Variants in ECHDC1 observed in about 807,000 individuals in gnomAD.
ECHDC1 encodes the protein ethylmalonyl-CoA decarboxylase.
ECHDC1 carries 29 observed loss-of-function variants against 29.7 expected under a neutral mutation model. The observed-to-expected ratio is 0.98, with a 90% CI of 0.73 to 1.33. The LOEUF (loss-of-function observed/expected upper bound fraction) is 1.33, where lower values mean the gene tolerates loss of function less well. Among genes scored for constraint, ECHDC1 ranks in the 40% most tolerant of loss-of-function variants. The probability of loss-of-function intolerance (pLI) is 0.00; values close to 1 mark genes in which losing one functional copy is unlikely to be tolerated. For missense variants in ECHDC1, 328 were observed against 350.0 expected (o/e 0.94, Z 0.50); for synonymous variants, 126 against 123.1 (o/e 1.02, Z -0.15).
Position 127,314,914 on chromosome 6 carries a change from A to T in ECHDC1, c.417-18T>A, listed in dbSNP as rs1283306105. 6.3e-7 allele frequency: 1 copy of T among 1,597,130 alleles called. No individual in the cohort carries two copies. Reference sequence around the variant, plus strand: ...AAGGAAGTCTGTATATTGAAGAAAAAACTGATGTTACTATTTTTAATTTCA... The same window carrying T: ...AAGGAAGTCTGTATATTGAAGAAAATACTGATGTTACTATTTTTAATTTCA... On this transcript the variant is annotated intron_variant, in intron 4 of 5. Coordinates refer to ENST00000454859, the MANE Select transcript of ECHDC1 (RefSeq NM_001002030.2).
intron 3 of ECHDC1, among the ~76,000 whole-genome samples, chr6:127,319,308 T>C (rs1053642985): frequency 4.6e-5 from 7 of 152,198 alleles, no homozygotes; most frequent in African/African-American, 1.7e-4. Flanking sequence ...CTGCAAATTG[T>C]GCTAACAGTA....
chr6:127,289,953 C>A lies in ECHDC1; in HGVS notation c.822G>T (p.Gln274His), dbSNP rs201632238. The change falls in exon 6 of 6, where the codon CAG (glutamine) becomes CAT (histidine). Residue 274 changes from glutamine (Q) to histidine (H), a missense_variant. Transcript: ENST00000454859. ...GRELYLEEAL[Q>H]NERDLLGTVW... ...CTGTTCCTAAAAGATCTCTTTCGTTCTGTAATGCTTCCTCCAAATATAGCT... is the reference window on the plus strand; with the variant it reads ...CTGTTCCTAAAAGATCTCTTTCGTTATGTAATGCTTCCTCCAAATATAGCT... The A allele has an allele frequency of 4.8e-4, 779 of 1,613,530 alleles. No individual in the cohort carries two copies. The highest frequency in any genetic ancestry group is 6.1e-4 in the Non-Finnish European group (715 of 1,179,724).
chr6:127,342,367 G>A, intron 1 of ECHDC1: 1 of 1,547,926 alleles, frequency 6.5e-7, no homozygotes, highest in Non-Finnish European at 8.7e-7. Context: ...CTGTTTCAAT[G>A]CCATGCTTCT....
chr6:127,315,218 G>A, intron 4 of ECHDC1: 1 of 483,830 alleles, frequency 2.1e-6, no homozygotes, highest in South Asian at 1.6e-5. Context: ...CTAATTTACA[G>A]CTCCTGGAAC....
intron 5 of ECHDC1, among the ~76,000 whole-genome samples, chr6:127,310,804 G>A (rs1257597448): frequency 2.0e-5 from 3 of 152,036 alleles, no homozygotes; most frequent in African/African-American, 4.8e-5. Flanking sequence ...ACAGTCAATC[G>A]GTTAACAAAC....
chr6:127,309,414 C>T (rs1261698630), intron 5 of ECHDC1, among the ~76,000 whole-genome samples: 2 of 146,206 alleles, frequency 1.4e-5, no homozygotes, highest in South Asian at 2.2e-4. Flanking sequence ...AGACCCCTAT[C>T]TATCACCACA....
chr6:127,315,895 A>G, intron 4 of ECHDC1: 1 of 457,538 alleles, frequency 2.2e-6, no homozygotes, highest in South Asian at 1.6e-5. Flanking sequence ...GTAGAAAGCT[A>G]ATCAACCAAA....
chr6:127,342,374 T>C (rs1193495273), intron 1 of ECHDC1: 1 of 1,548,100 alleles, frequency 6.5e-7, no homozygotes, highest in East Asian at 2.4e-5. Context: ...AATGCCATGC[T>C]TCTTCACAGG....
intron 3 of ECHDC1, among the ~76,000 whole-genome samples, chr6:127,325,917 AGT>A (rs1278520917): frequency 4.6e-5 from 7 of 152,152 alleles, no homozygotes; most frequent in African/African-American, 1.7e-4. Flanking sequence ...TGTCCAGGCT[AGT>A]GTTGAACTCC....
At chr6:127,301,155 A>C (rs1781023386) in intron 5 of ECHDC1, among the ~76,000 whole-genome samples, 1 of 152,168 alleles carries the variant, frequency 6.6e-6, no homozygotes, top group African/African-American at 2.4e-5. Flanking sequence ...CTCTTGGAAT[A>C]TTTTACATGA....
intron 5 of ECHDC1, among the ~76,000 whole-genome samples, chr6:127,291,481 G>A (rs185310303): frequency 9.1e-4 from 139 of 152,070 alleles, no homozygotes; most frequent in African/African-American, 3.2e-3. Context: ...ATTTTCCCCA[G>A]TCATGGGATT....
intron 2 of ECHDC1, among the ~76,000 whole-genome samples, chr6:127,329,368 A>G (rs968715985): frequency 2.9e-5 from 2 of 69,514 alleles, no homozygotes; most frequent in Non-Finnish European, 6.8e-5. Context: ...ATGCATCAAA[A>G]TAATATGTTT....
At chr6:127,341,658 T>C (rs940096107) in intron 1 of ECHDC1, 3 of 152,128 alleles carry the variant, frequency 2.0e-5, no homozygotes, top group South Asian at 2.1e-4. Context: ...GGAAAGAAAG[T>C]CCATCTGAGA....
intron 1 of ECHDC1, among the ~76,000 whole-genome samples, chr6:127,341,363 T>A (rs750536176): frequency 5.9e-5 from 9 of 152,212 alleles, no homozygotes; most frequent in Non-Finnish European, 1.2e-4. Flanking sequence ...AGTGATGAGA[T>A]GACAAGGTGT....
intron 5 of ECHDC1, among the ~76,000 whole-genome samples, chr6:127,297,751 C>A (rs1482084838): frequency 6.6e-6 from 1 of 152,166 alleles, no homozygotes; most frequent in Non-Finnish European, 1.5e-5. Context: ...GACATACCCA[C>A]AGCTGCAGAG....
intron 3 of ECHDC1, 122 bp downstream of exon 3, chr6:127,326,880 A>C (rs1018029776): frequency 4.2e-6 from 5 of 1,202,488 alleles, no homozygotes; most frequent in Non-Finnish European, 5.7e-6. Flanking sequence ...ACAAACCAAA[A>C]AATCCCCATA....
intron 1 of ECHDC1, among the ~76,000 whole-genome samples, chr6:127,341,277 T>C (rs563241962): frequency 4.6e-5 from 7 of 152,324 alleles, no homozygotes; most frequent in Non-Finnish European, 8.8e-5. Context: ...AATCCAATTC[T>C]AAAAATTTTA....
chr6:127,289,899 A>C lies in ECHDC1; in HGVS notation c.876T>G (p.Ala292=). Residue 292 remains alanine (A), a synonymous_variant, in exon 6 of 6, where the codon GCT becomes GCG. Transcript: ENST00000454859. The stretch of plus-strand genomic sequence containing the variant: ...TATTAAATTTTCCTTTCTTAGCAAT[A>C]GCCTCTAAATTTGCAGGCCCACCCC... ...TVWGGPANLE[A]IAKKGKFNK The C allele has an allele frequency of 6.2e-7, 1 of 1,610,738 alleles. No homozygotes were observed. Among genetic ancestry groups the C allele is most frequent in the South Asian group, 1.1e-5 (1 of 90,674 alleles).
chr6:127,329,237 G>C (rs1330238647), intron 2 of ECHDC1, among the ~76,000 whole-genome samples: 1 of 151,930 alleles, frequency 6.6e-6, no homozygotes, highest in Non-Finnish European at 1.5e-5. Context: ...AGATGGAAGA[G>C]ACCTTAAAGA....
Sources: gnomAD v4.1 joint callset for allele counts (sites outside exome capture counted in the v4.1 genomes callset) on GRCh38, gnomAD v4.1.1 for gene constraint, MANE v1.5 for transcripts, NCBI Gene and HGNC (gene_info 2026-07-23, HGNC 2026-07-21) for gene names.